The following HSPA14 variants were observed in gnomAD, a reference collection of about 807,000 sequenced individuals.
HSPA14 encodes heat shock protein family A (Hsp70) member 14.
Under a neutral mutation model 65.5 loss-of-function variants are expected in HSPA14, and 37 were observed. That is an observed-to-expected ratio of 0.56 (90% CI 0.43 to 0.74). HSPA14 has a LOEUF of 0.74. Ranked by LOEUF, HSPA14 falls within the 30% of genes least tolerant of loss-of-function variation. The pLI, the probability that HSPA14 is intolerant of heterozygous loss-of-function variation, is 0.00. For missense variants in HSPA14, 564 were observed against 607.6 expected, an observed-to-expected ratio of 0.93 and a Z score of 0.75; for synonymous variants, 203 against 214.2, an observed-to-expected ratio of 0.95 and a Z score of 0.46.
intron 12 of HSPA14, among the ~76,000 whole-genome samples, chr10:14,869,253 G>C (rs1487102826): frequency 6.6e-6 from 1 of 151,590 alleles, no homozygotes; most frequent in Non-Finnish European, 1.5e-5. Flanking sequence ...GTGTGTGTGT[G>C]TGTGTGTGTG....
chr10:14,856,184 T>C (rs1171351424), intron 10 of HSPA14, among the ~76,000 whole-genome samples: 2 of 152,220 alleles, frequency 1.3e-5, no homozygotes, highest in Non-Finnish European at 2.9e-5. Context: ...TCTGTAAGCA[T>C]AGACAGAAAG....
chr10:14,843,193 T>C (rs1833997690), intron 3 of HSPA14, among the ~76,000 whole-genome samples: 1 of 152,102 alleles, frequency 6.6e-6, no homozygotes, highest in African/African-American at 2.4e-5. Context: ...GTTTTAGAGG[T>C]GAAATCAAAC....
At chr10:14,871,286 G>T (rs552632980) in intron 13 of HSPA14, among the ~76,000 whole-genome samples, 65 of 152,104 alleles carry the variant, frequency 4.3e-4, no homozygotes, top group Non-Finnish European at 8.1e-4. Context: ...GGGTTTTCAA[G>T]AAATACAACC....
At position 14,854,226 on chromosome 10, in the gene HSPA14, A is replaced by C. The variant is rs147657350; in HGVS notation, c.836A>C (p.Asn279Thr). The C allele has an allele frequency of 1.9e-6, 3 of 1,613,590 alleles. No individual in the cohort carries two copies. The highest frequency in any genetic ancestry group is 1.7e-5 in the Admixed American group (1 of 59,854). ...TCTTTGTCAACCTTGGGAAGTGCCA[A>C]CTGTTTTCTTGACTCATTATATGAA... ...KHSLSTLGSA[N>T]CFLDSLYEGQ... is the part of the protein sequence containing the mutation. The change falls in exon 9 of 14, where the codon AAC (asparagine) becomes ACC (threonine). Residue 279 changes from asparagine (N) to threonine (T), a missense_variant. By Grantham distance (65) the Asn-to-Thr change is moderately conservative. Coordinates refer to ENST00000378372, the MANE Select transcript of HSPA14 (RefSeq NM_016299.4).
chr10:14,845,591 T>A, intron 3 of HSPA14: 1 of 936,986 alleles, frequency 1.1e-6, no homozygotes, highest in Non-Finnish European at 1.3e-6. Context: ...CCTTTTCTAT[T>A]ATTATTATTT....
At chr10:14,846,188 T>C in intron 3 of HSPA14, 1 of 985,234 alleles carries the variant, frequency 1.0e-6, no homozygotes. Context: ...TTCTCAATTG[T>C]CTTAGGCTAT....
intron 5 of HSPA14, among the ~76,000 whole-genome samples, chr10:14,849,206 G>A (rs1443915925): frequency 6.6e-6 from 1 of 152,248 alleles, no homozygotes; most frequent in Admixed American, 6.5e-5. Context: ...ACAGTATACT[G>A]TGAACAATAA....
chr10:14,871,555 A>C lies in HSPA14; in HGVS notation c.1479A>C (p.Thr493=). The part of the protein sequence containing the change: ...KRDGSLHVTC[T]DQETGKCEAI... The stretch of plus-strand genomic sequence containing the variant: ...ATGGATCTTTACATGTGACATGCAC[A>C]GATCAAGAAACTGGAAAATGTGAAG... Residue 493 remains threonine (T), a synonymous_variant, in exon 14 of 14, where the codon ACA becomes ACC. Coordinates refer to ENST00000378372, the MANE Select transcript of HSPA14 (RefSeq NM_016299.4). 6.3e-7 allele frequency: 1 copy of C among 1,594,966 alleles called. No homozygotes were observed. The highest frequency in any genetic ancestry group is 8.6e-7 in the Non-Finnish European group (1 of 1,167,990).
intron 5 of HSPA14, 57 bp downstream of exon 5, chr10:14,848,952 T>TAA: frequency 2.1e-6 from 2 of 945,742 alleles, no homozygotes; most frequent in East Asian, 2.5e-5. Flanking sequence ...AAGTTGACCT[T>TAA]AAAAAAAAAG....
intron 13 of HSPA14, 32 bp from the exon 14 acceptor site, chr10:14,871,496 G>A (rs757012556): frequency 2.4e-6 from 3 of 1,240,256 alleles, no homozygotes; most frequent in Non-Finnish European, 2.3e-6. Context: ...AAATGAGCTT[G>A]TGCAATGTTC....
intron 3 of HSPA14, chr10:14,844,507 A>T: frequency 1.0e-6 from 1 of 988,096 alleles, no homozygotes; most frequent in Non-Finnish European, 1.2e-6. Flanking sequence ...CACAACCTGT[A>T]TTTGTACCTT....
At chr10:14,846,330 A>G in intron 3 of HSPA14, 1 of 985,406 alleles carries the variant, frequency 1.0e-6, no homozygotes, top group Non-Finnish European at 1.2e-6. Context: ...TGCATAAGAC[A>G]GGGATTTCTT....
intron 12 of HSPA14, among the ~76,000 whole-genome samples, chr10:14,870,092 T>C (rs1187244703): frequency 6.6e-6 from 1 of 152,202 alleles, no homozygotes; most frequent in African/African-American, 2.4e-5. Context: ...ACTGAGGAAT[T>C]TTATAGTAAA....
intron 3 of HSPA14, chr10:14,846,462 G>A: frequency 2.0e-6 from 2 of 985,320 alleles, no homozygotes; most frequent in Non-Finnish European, 2.4e-6. Flanking sequence ...TCTTGAATAA[G>A]TACACAGAAA....
chr10:14,841,800 T>A (rs1833974788), intron 3 of HSPA14, among the ~76,000 whole-genome samples: 1 of 152,218 alleles, frequency 6.6e-6, no homozygotes, highest in Non-Finnish European at 1.5e-5. Flanking sequence ...ATCTTTCAGA[T>A]TGCTATACCG....
At chr10:14,838,648 T>C (rs1007643968) in intron 1 of HSPA14, 189 bp downstream of exon 1, 1 of 562,516 alleles carries the variant, frequency 1.8e-6, no homozygotes. Context: ...CTCCGGAAAG[T>C]CGTCTACTCC....
In HSPA14 at chr10:14,867,179, G is replaced by A. The variant is rs1334735270; in HGVS notation, c.1090G>A (p.Asp364Asn). Residue 364 changes from aspartate (D) to asparagine (N), a missense_variant, in exon 11 of 14, where the codon GAT becomes AAT. Transcript: ENST00000378372. ...AVELLNSIPP[D>N]EVIPIGAAIE... is the part of the protein sequence containing the mutation. ...TGAGCTTCTCAATTCTATCCCTCCT[G>A]ATGAAGTGATCCCTATTGGTGCAGC... 1 of 1,613,334 alleles carries A rather than the reference G, an allele frequency of 6.2e-7. No individual in the cohort carries two copies. The highest frequency in any genetic ancestry group is 1.1e-5 in the South Asian group (1 of 91,070).
chr10:14,869,232 C>CGTGTGTGTGTGTGTGTGT lies in HSPA14; in HGVS notation c.1380+1338_1381-1333dup, dbSNP rs68155495. Among the ~76,000 whole-genome samples the CGTGTGTGTGTGTGTGTGT allele has an allele frequency of 2.1e-5, 3 of 144,822 alleles. No homozygotes were observed. In the East Asian group the frequency reaches 6.2e-4, roughly 30 times the overall value. On this transcript the variant is annotated intron_variant, in intron 12 of 13. Transcript: ENST00000378372. ...ATGAGATATTGTGTGTGTACGTGTA[C>CGTGTGTGTGTGTGTGTGT]GTGTGTGTGTGTGTGTGTGTGTGTG...
chr10:14,848,584 T>C (rs747743019), intron 3 of HSPA14, 25 bp from the exon 4 acceptor site: 4 of 1,571,488 alleles, frequency 2.5e-6, no homozygotes, highest in Middle Eastern at 1.7e-4. Flanking sequence ...AATACTTAGC[T>C]ATCTTTATCT....
Sources: gnomAD v4.1 joint callset for allele counts (sites outside exome capture counted in the v4.1 genomes callset) on GRCh38, gnomAD v4.1.1 for gene constraint, MANE v1.5 for transcripts, NCBI Gene and HGNC (gene_info 2026-07-23, HGNC 2026-07-21) for gene names.